The following AHI1 variants were observed in gnomAD, a reference collection of about 807,000 sequenced individuals.
AHI1 encodes jouberin.
AHI1 carries 123 observed loss-of-function variants against 149.3 expected under a neutral mutation model. The ratio of observed to expected loss-of-function variants is 0.82; its 90% CI spans 0.71 to 0.96. AHI1 has a LOEUF of 0.96. Ranked by LOEUF, AHI1 falls within the 40% of genes least tolerant of loss-of-function variation. The probability of loss-of-function intolerance (pLI) is 0.00; values close to 1 mark genes in which losing one functional copy is unlikely to be tolerated. For synonymous variants in AHI1, 475 were observed against 459.8 expected, an observed-to-expected ratio of 1.03 and a Z score of -0.42; for missense variants, 1,439 against 1,422.7, an observed-to-expected ratio of 1.01 and a Z score of -0.18.
intron 20 of AHI1, among the ~76,000 whole-genome samples, chr6:135,416,448 C>A (rs891897044): frequency 6.6e-6 from 1 of 151,492 alleles, no homozygotes; most frequent in Non-Finnish European, 1.5e-5. Context: ...TTAGTGTGTA[C>A]TGAAGCACTA....
chr6:135,395,310 G>T (rs1779067194), intron 22 of AHI1, among the ~76,000 whole-genome samples: 1 of 151,844 alleles, frequency 6.6e-6, no homozygotes, highest in Non-Finnish European at 1.5e-5. Context: ...GAGATACACA[G>T]AAAACACCTG....
rs191027231 is a variant in AHI1, at chr6:135,383,360, T to C, written c.3109+11416A>G. Among the ~76,000 whole-genome samples, 404 of 150,978 alleles carry C rather than the reference T, an allele frequency of 2.7e-3. 1 individual carries two copies. Among genetic ancestry groups the C allele is most frequent in the African/African-American group, 9.2e-3 (377 of 41,100 alleles). The stretch of plus-strand genomic sequence containing the variant: ...TTCCCCTCTGCCTCAGCCTTCTGAG[T>C]AGGTGGGACCACAGGCATGTGCCAC... On this transcript the variant is annotated intron_variant, in intron 23 of 28. Transcript: ENST00000265602.
intron 23 of AHI1, among the ~76,000 whole-genome samples, chr6:135,383,021 C>T (rs1316088189): frequency 7.3e-6 from 1 of 137,496 alleles, no homozygotes; most frequent in African/African-American, 2.7e-5. Flanking sequence ...AATATAATGG[C>T]TGAAATGAAC....
At chr6:135,422,653 ATGT>A (rs1783361977) in intron 20 of AHI1, among the ~76,000 whole-genome samples, 1 of 151,560 alleles carries the variant, frequency 6.6e-6, no homozygotes, top group Admixed American at 6.6e-5. Flanking sequence ...GTATGTATGT[ATGT>A]ATACATGTAT....
Position 135,388,070 on chromosome 6 carries a change from T to TA in AHI1, c.3109+6705dup, listed in dbSNP as rs113398452. On this transcript the variant is annotated intron_variant, in intron 23 of 28. Transcript: ENST00000265602. ...ATTCTTGTCGTTAAAAACTGCATAATAAAAACATTTTTGATTCTTTTTAGT... is the reference window on the plus strand; with the variant it reads ...ATTCTTGTCGTTAAAAACTGCATAATAAAAAACATTTTTGATTCTTTTTAGT... 0.016 allele frequency: 25,923 copies of TA among 1,609,700 alleles called. 424 individuals carry two copies. Among genetic ancestry groups the TA allele is most frequent in the African/African-American group, 0.078 (5,822 of 74,942 alleles).
At chr6:135,293,773 A>C (rs543386769) in intron 27 of AHI1, among the ~76,000 whole-genome samples, 2 of 152,376 alleles carry the variant, frequency 1.3e-5, no homozygotes, top group South Asian at 4.1e-4. Context: ...AATGACTCAG[A>C]TGATTGAATA....
intron 16 of AHI1, among the ~76,000 whole-genome samples, chr6:135,431,527 T>A (rs1486542474): frequency 6.6e-6 from 1 of 152,140 alleles, no homozygotes; most frequent in East Asian, 1.9e-4. Context: ...TTTAAATTAT[T>A]TTTGATGACT....
intron 7 of AHI1, among the ~76,000 whole-genome samples, chr6:135,465,140 TA>T (rs887829784): frequency 3.3e-5 from 5 of 152,174 alleles, no homozygotes; most frequent in Non-Finnish European, 7.3e-5. Flanking sequence ...TAGTCACATA[TA>T]AAATGTTCCC....
intron 5 of AHI1, among the ~76,000 whole-genome samples, chr6:135,468,883 A>G (rs1791242377): frequency 6.6e-6 from 1 of 152,168 alleles, no homozygotes; most frequent in Non-Finnish European, 1.5e-5. Flanking sequence ...CAAGCAAAAA[A>G]AGCCCAGGAC....
chr6:135,488,202 C>T (rs989724662), intron 5 of AHI1, among the ~76,000 whole-genome samples: 1 of 152,184 alleles, frequency 6.6e-6, no homozygotes, highest in Non-Finnish European at 1.5e-5. Flanking sequence ...TGCAGGATGA[C>T]TCATCTCTTC....
At chr6:135,339,455 A>G (rs1789954401) in intron 24 of AHI1, among the ~76,000 whole-genome samples, 1 of 152,228 alleles carries the variant, frequency 6.6e-6, no homozygotes. Flanking sequence ...AAGAGAAAGT[A>G]TACATGTACC....
intron 20 of AHI1, among the ~76,000 whole-genome samples, chr6:135,422,510 A>C (rs75381224): frequency 6.8e-6 from 1 of 147,658 alleles, no homozygotes; most frequent in Non-Finnish European, 1.5e-5. Context: ...GTGTCTCAAG[A>C]AAAAAAAAAA....
At chr6:135,422,625 A>ATGTG (rs1783352124) in intron 20 of AHI1, among the ~76,000 whole-genome samples, 1 of 144,816 alleles carries the variant, frequency 6.9e-6, no homozygotes, top group Admixed American at 6.7e-5. Flanking sequence ...ATTTTTATGT[A>ATGTG]TGTATGTATG....
At chr6:135,378,200 C>T (rs1776223667) in intron 23 of AHI1, among the ~76,000 whole-genome samples, 1 of 152,140 alleles carries the variant, frequency 6.6e-6, no homozygotes, top group Non-Finnish European at 1.5e-5. Context: ...TTGCAACTCA[C>T]ATCTCTGGGA....
In AHI1 at chr6:135,411,530, C is replaced by T. The variant is rs767998779; in HGVS notation, c.2779G>A (p.Ala927Thr). 6.4e-7 allele frequency: 1 copy of T among 1,574,204 alleles called. No individual in the cohort carries two copies. The highest frequency in any genetic ancestry group is 2.3e-5 in the East Asian group (1 of 44,248). The change falls in exon 21 of 29, where the codon GCT becomes ACT. Residue 927 changes from alanine to threonine, a missense_variant. Physicochemically the swap from Ala to Thr is moderately conservative, Grantham distance 58 (BLOSUM62 0). Coordinates refer to ENST00000265602, the MANE Select transcript of AHI1 (RefSeq NM_001134831.2). Reference protein sequence around the residue: ...IYDFHVAQQEAEMFKRYNGTF... With the variant: ...IYDFHVAQQETEMFKRYNGTF... ...CCATTGTAGCGTTTGAACATTTCAG[C>T]CTCCTGCTGGGCAACTGAAGAAATG...
At chr6:135,340,114 G>A (rs1790057391) in intron 24 of AHI1, among the ~76,000 whole-genome samples, 1 of 152,220 alleles carries the variant, frequency 6.6e-6, no homozygotes, top group Admixed American at 6.5e-5. Context: ...GCTCACGCCT[G>A]TAATCCCAGA....
intron 24 of AHI1, among the ~76,000 whole-genome samples, chr6:135,338,927 CTT>C (rs143028763): frequency 3.6e-4 from 50 of 140,780 alleles, no homozygotes; most frequent in Admixed American, 5.0e-4. Context: ...CTCATCTTTC[CTT>C]TTTTTTTTTT....
Position 135,405,108 on chromosome 6 carries a change from C to T in AHI1, c.2962-131G>A. On this transcript the variant is annotated intron_variant, in intron 21 of 28. Coordinates refer to ENST00000265602, the MANE Select transcript of AHI1 (RefSeq NM_001134831.2). ...GGAAGTTTCTTTATCCATTATCCTG[C>T]CGTTGTCACTCTGCATTGTTTCCAA... The T allele has an allele frequency of 4.3e-6, 3 of 699,236 alleles. No individual in the cohort carries two copies. In the South Asian group the frequency reaches 5.7e-5, roughly 13 times the overall value. The allele number at this position is 699,236 out of a possible 1,614,324, so 43.3% of individuals were successfully genotyped here. A position where few individuals can be genotyped will look rare whatever the true frequency, so the allele number is the denominator to read the frequency against.
chr6:135,446,958 A>C, intron 13 of AHI1, 50 bp downstream of exon 13: 1 of 1,540,762 alleles, frequency 6.5e-7, no homozygotes, highest in Non-Finnish European at 8.8e-7. Context: ...TGGAGTTTTT[A>C]AGGTAATAAG....
Sources: allele counts gnomAD v4.1 joint callset (sites outside exome capture counted in the v4.1 genomes callset), GRCh38; gene constraint gnomAD v4.1.1; transcripts MANE v1.5; gene names NCBI Gene and HGNC (gene_info 2026-07-23, HGNC 2026-07-21).